The following AGBL1 variants were observed in gnomAD, a reference collection of about 807,000 sequenced individuals.
AGBL1 encodes the protein AGBL carboxypeptidase 1, also known as cytosolic carboxypeptidase 4.
AGBL1 carries 130 observed loss-of-function variants against 118.9 expected under a neutral mutation model. The observed-to-expected ratio is 1.09, with a 90% CI of 0.95 to 1.26. AGBL1 has a LOEUF of 1.26. Among genes scored for constraint, AGBL1 ranks in the 50% most tolerant of loss-of-function variants. AGBL1 has a pLI of 0.00. For missense variants in AGBL1, 1,584 were observed against 1,298.1 expected, an observed-to-expected ratio of 1.22 and a Z score of -3.38; for synonymous variants, 555 against 478.9, an observed-to-expected ratio of 1.16 and a Z score of -2.08.
intron 17 of AGBL1, among the ~76,000 whole-genome samples, chr15:86,308,465 C>T (rs774407066): frequency 6.6e-6 from 1 of 152,190 alleles, no homozygotes; most frequent in Non-Finnish European, 1.5e-5. Context: ...ACTCTGCTAT[C>T]AGACTTCCAG....
At chr15:86,657,594 G>T (rs956029560) in intron 21 of AGBL1, among the ~76,000 whole-genome samples, 2 of 152,126 alleles carry the variant, frequency 1.3e-5, no homozygotes, top group African/African-American at 4.8e-5. Context: ...AGAAAGATTT[G>T]GTGTTATTGC....
intron 21 of AGBL1, among the ~76,000 whole-genome samples, chr15:86,633,878 G>A (rs377744421): frequency 1.0e-5 from 1 of 99,026 alleles, no homozygotes; most frequent in South Asian, 3.5e-4. Context: ...TATATATAAT[G>A]TATATATATA....
intron 22 of AGBL1, among the ~76,000 whole-genome samples, chr15:86,682,104 G>A (rs757702189): frequency 3.0e-4 from 45 of 152,164 alleles, no homozygotes; most frequent in East Asian, 1.4e-3. Flanking sequence ...AAAAATTAGC[G>A]CATAGTATGA....
At chr15:86,504,766 T>G (rs2082955362) in intron 18 of AGBL1, among the ~76,000 whole-genome samples, 1 of 151,846 alleles carries the variant, frequency 6.6e-6, no homozygotes, top group Admixed American at 6.6e-5. Flanking sequence ...AGTTTATAAT[T>G]ACAGGTTATG....
At chr15:86,396,688 C>T (rs1335548229) in intron 17 of AGBL1, among the ~76,000 whole-genome samples, 1 of 152,026 alleles carries the variant, frequency 6.6e-6, no homozygotes, top group African/African-American at 2.4e-5. Flanking sequence ...AGAGCTAACA[C>T]ATACTGAATG....
At chr15:86,758,889 T>C (rs2077980534) in intron 22 of AGBL1, among the ~76,000 whole-genome samples, 2 of 150,076 alleles carry the variant, frequency 1.3e-5, no homozygotes, top group Admixed American at 6.7e-5. Context: ...GGGAGGATTG[T>C]TTGAGCCTGG....
At chr15:86,326,403 T>C (rs968302627) in intron 17 of AGBL1, among the ~76,000 whole-genome samples, 1 of 152,196 alleles carries the variant, frequency 6.6e-6, no homozygotes, top group Non-Finnish European at 1.5e-5. Context: ...AATATAAGTA[T>C]ACATAGGAGA....
intron 22 of AGBL1, among the ~76,000 whole-genome samples, chr15:86,866,619 T>C (rs925300791): frequency 4.6e-5 from 7 of 152,184 alleles, no homozygotes; most frequent in Non-Finnish European, 8.8e-5. Context: ...TTTGGAGGGC[T>C]GAGGAAGGCA....
intron 22 of AGBL1, among the ~76,000 whole-genome samples, chr15:86,780,339 T>A (rs1456197679): frequency 1.3e-5 from 2 of 152,242 alleles, no homozygotes; most frequent in African/African-American, 4.8e-5. Context: ...GTTTCCCTTT[T>A]TATCTCAATA....
chr15:86,243,184 G>A (rs78713083), intron 6 of AGBL1, among the ~76,000 whole-genome samples: 2,353 of 152,162 alleles, frequency 0.015, 64 homozygotes, highest in African/African-American at 0.052. Context: ...GTTGTAGAAC[G>A]CGTAAGGATT....
At chr15:86,537,813 C>T (rs189010879) in intron 19 of AGBL1, among the ~76,000 whole-genome samples, 2 of 152,256 alleles carry the variant, frequency 1.3e-5, no homozygotes, top group East Asian at 3.9e-4. Context: ...ATAACATCCT[C>T]CTTTAGGACT....
intron 17 of AGBL1, among the ~76,000 whole-genome samples, chr15:86,316,008 A>G (rs927309735): frequency 1.3e-5 from 2 of 152,232 alleles, no homozygotes; most frequent in African/African-American, 4.8e-5. Flanking sequence ...GACAGCTTTC[A>G]GCAAAGACTA....
intron 6 of AGBL1, among the ~76,000 whole-genome samples, chr15:86,238,979 T>A (rs543825397): frequency 2.6e-5 from 4 of 151,874 alleles, no homozygotes; most frequent in African/African-American, 9.7e-5. Context: ...CTAAGGTCCT[T>A]CATTAGACAT....
intron 22 of AGBL1, among the ~76,000 whole-genome samples, chr15:86,827,938 C>CTATTTTTTTTT (rs2079052594): frequency 6.0e-5 from 1 of 16,760 alleles, no homozygotes; most frequent in South Asian, 2.7e-3. Flanking sequence ...TGATGTAGGG[C>CTATTTTTTTTT]TTTTTTTTTT....
intron 5 of AGBL1, among the ~76,000 whole-genome samples, chr15:86,182,174 G>T (rs1213116000): frequency 6.6e-6 from 1 of 152,020 alleles, no homozygotes; most frequent in Non-Finnish European, 1.5e-5. Context: ...TGAGACGAGT[G>T]GTAATGGGAG....
rs568973706 is a variant in AGBL1 at position 86,555,056 on chromosome 15, G to A, written c.2994+519G>A. ...GTGCATGGCGTGGGTCTCCCAGAAT[G>A]AGTGGGTTTTGGACTCATATGCTAG... On this transcript the variant is annotated intron_variant, in intron 21 of 22. Coordinates refer to ENST00000614907, the MANE Select transcript of AGBL1 (RefSeq NM_001386094.1). Among the ~76,000 whole-genome samples, 22 of 152,314 alleles carry A rather than the reference G, an allele frequency of 1.4e-4. No individual in the cohort carries two copies. In the East Asian group the frequency reaches 4.1e-3, roughly 28 times the overall value.
intron 18 of AGBL1, among the ~76,000 whole-genome samples, chr15:86,474,309 G>T (rs893247578): frequency 6.6e-6 from 1 of 152,208 alleles, no homozygotes; most frequent in Non-Finnish European, 1.5e-5. Flanking sequence ...AAGGGGTCAA[G>T]GAATTCCCTT....
At chr15:86,695,194 T>C in intron 22 of AGBL1, among the ~76,000 whole-genome samples, 1 of 152,084 alleles carries the variant, frequency 6.6e-6, no homozygotes. Context: ...GAATGTCCAA[T>C]AGAATTCAGC....
intron 22 of AGBL1, among the ~76,000 whole-genome samples, chr15:86,766,731 C>G (rs1408602222): frequency 6.6e-6 from 1 of 151,928 alleles, no homozygotes. Flanking sequence ...CAAAAAGACA[C>G]AGTTCTAACC....
Sources: allele counts gnomAD v4.1 joint callset (sites outside exome capture counted in the v4.1 genomes callset), GRCh38; gene constraint gnomAD v4.1.1; transcripts MANE v1.5; gene names NCBI Gene and HGNC (gene_info 2026-07-23, HGNC 2026-07-21).